ADARB1: variants seen among roughly 807,000 people sequenced by gnomAD.
ADARB1 encodes the protein double-stranded RNA-specific editase 1.
Under a neutral mutation model 52.4 loss-of-function variants are expected in ADARB1, and 10 were observed. That is an observed-to-expected ratio of 0.19 (90% confidence interval 0.12 to 0.32). The LOEUF is 0.32. Ranked by LOEUF, ADARB1 falls within the 10% of genes least tolerant of loss-of-function variation. The probability of loss-of-function intolerance (pLI) is 1.00; values close to 1 mark genes in which losing one functional copy is unlikely to be tolerated. For missense variants in ADARB1, 643 were observed against 922.3 expected, an observed-to-expected ratio of 0.70 and a Z score of 3.92; for synonymous variants, 349 against 371.1, an observed-to-expected ratio of 0.94 and a Z score of 0.68.
intron 2 of ADARB1, among the ~76,000 whole-genome samples, chr21:45,167,648 G>A (rs887297169): frequency 6.6e-6 from 1 of 152,142 alleles, no homozygotes; most frequent in Non-Finnish European, 1.5e-5. Flanking sequence ...CTACTCGGGA[G>A]GCTGAGGCAG....
chr21:45,162,493 G>A (rs942484126), intron 2 of ADARB1, among the ~76,000 whole-genome samples: 1 of 152,152 alleles, frequency 6.6e-6, no homozygotes, highest in African/African-American at 2.4e-5. Context: ...GGCAGAATGA[G>A]CCCAGCAGGC....
intron 1 of ADARB1, among the ~76,000 whole-genome samples, chr21:45,106,585 TC>T (rs2087268919): frequency 6.6e-6 from 1 of 152,210 alleles, no homozygotes; most frequent in Admixed American, 6.5e-5. Flanking sequence ...CTTGGGAACT[TC>T]CGAGCAACTT....
At position 45,124,366 on chromosome 21, in the gene ADARB1, CCTTTTCTTCT is replaced by C. The variant is rs1376316741; in HGVS notation, c.-219-4027_-219-4018del. Among the ~76,000 whole-genome samples, 9 of 152,056 alleles carry C rather than the reference CCTTTTCTTCT, an allele frequency of 5.9e-5. No individual in the cohort carries two copies. The East Asian group carries it at 1.7e-3, about 29-fold the overall frequency. Reference sequence around the variant, plus strand: ...CCTCCCTGCATTCCTTCCTTCCTTCCCTTTTCTTCTCTTTTCTTTTTCTTGAGACAAGGTC... The same window carrying C: ...CCTCCCTGCATTCCTTCCTTCCTTCCCTTTTCTTTTTCTTGAGACAAGGTC... On this transcript the variant is annotated intron_variant, in intron 1 of 10. Transcript: ENST00000348831.
At position 45,221,160 on chromosome 21, in the gene ADARB1, T is replaced by C. The variant is rs1260193695; in HGVS notation, c.1926+146T>C. ...CACTTGGAATGATTCTTCCTTCAGA[T>C]TGTTTTAGCTTAGAAGTGTGGCTAC... On this transcript the variant is annotated intron_variant, in intron 10 of 10. Coordinates refer to ENST00000348831, the MANE Select transcript of ADARB1 (RefSeq NM_001112.4). This position sits in a 1 kb window ranked among gnomAD's most constrained non-coding sequence, Gnocchi z 4.9. 5.5e-6 allele frequency: 6 copies of C among 1,083,068 alleles called. No homozygotes were observed. The highest frequency in any genetic ancestry group is 1.6e-5 in the African/African-American group (1 of 63,106). The allele number at this position is 1,083,068 out of a possible 1,614,324, so 67.1% of individuals were successfully genotyped here.
intron 2 of ADARB1, among the ~76,000 whole-genome samples, chr21:45,163,705 T>G (rs1459556322): frequency 2.0e-5 from 3 of 152,216 alleles, no homozygotes; most frequent in Admixed American, 6.5e-5. Flanking sequence ...TGGGGGCTGC[T>G]GGGGCCTATG....
intron 1 of ADARB1, among the ~76,000 whole-genome samples, chr21:45,079,833 A>G (rs1601230412): frequency 6.6e-6 from 1 of 152,212 alleles, no homozygotes; most frequent in Non-Finnish European, 1.5e-5. Context: ...GGGGCCAAAT[A>G]TGTAAATTTG....
chr21:45,170,226 G>A (rs922648092), intron 2 of ADARB1, among the ~76,000 whole-genome samples: 15 of 152,126 alleles, frequency 9.9e-5, no homozygotes, highest in Admixed American at 6.5e-5. Context: ...CCTTTCATTT[G>A]TAAATACTTC....
intron 1 of ADARB1, among the ~76,000 whole-genome samples, chr21:45,109,996 G>A (rs1422712936): frequency 2.0e-5 from 3 of 152,180 alleles, no homozygotes; most frequent in Non-Finnish European, 2.9e-5. Flanking sequence ...AGTGCGGTGT[G>A]AGCATCTATT....
At chr21:45,218,622 T>C (rs540367594) in intron 9 of ADARB1, among the ~76,000 whole-genome samples, 1 of 152,338 alleles carries the variant, frequency 6.6e-6, no homozygotes, top group African/African-American at 2.4e-5. Context: ...TTCCCTTGAC[T>C]CTCAATTCAG....
In ADARB1 at chr21:45,224,125, T is replaced by G. The variant is rs899910829; in HGVS notation, c.*1928T>G. The G allele has an allele frequency of 5.1e-6, 5 of 985,326 alleles. No individual in the cohort carries two copies. The African/African-American group carries it at 8.7e-5, about 17-fold the overall frequency. The allele number at this position is 985,326 out of a possible 1,614,324, so 61.0% of individuals were successfully genotyped here. On this transcript the variant is annotated 3_prime_UTR_variant, in exon 11 of 11. Transcript: ENST00000348831. Reference sequence around the variant, plus strand: ...AAAAACACCTTGTAAGTCTGTGCATTTTTATTGTCTTGATAAATTGTATTT... The same window carrying G: ...AAAAACACCTTGTAAGTCTGTGCATGTTTATTGTCTTGATAAATTGTATTT...
At chr21:45,082,666 T>C (rs1200699535) in intron 1 of ADARB1, among the ~76,000 whole-genome samples, 1 of 152,200 alleles carries the variant, frequency 6.6e-6, no homozygotes, top group Non-Finnish European at 1.5e-5. Flanking sequence ...TTTATTAAGC[T>C]CTTACCATGT....
chr21:45,225,524 T>C lies in ADARB1; in HGVS notation c.*3327T>C. 7 of 1,329,260 alleles carry C rather than the reference T, an allele frequency of 5.3e-6. No individual in the cohort carries two copies. Among genetic ancestry groups the C allele is most frequent in the Non-Finnish European group, 6.8e-6 (7 of 1,028,680 alleles). 82.3% of individuals were successfully genotyped at this position (1,329,260 alleles called of 1,614,324 possible). ...CGCCACTTTCTTTGTGAAGACAGTG[T>C]CTCTCCTTGTAATCTCACACAGGTA... On this transcript the variant is annotated 3_prime_UTR_variant, in exon 11 of 11. Transcript: ENST00000348831.
Position 45,074,625 on chromosome 21 carries a change from C to A in ADARB1, c.-388C>A. ...GCGGCGGCGGCGGCGGCGGCGGCAG[C>A]GGCGGCCAAGCGGCCAGGTTGGCGG... On this transcript the variant is annotated 5_prime_UTR_variant, in exon 1 of 11. Transcript: ENST00000348831. The A allele has an allele frequency of 6.7e-6, 1 of 149,354 alleles. No individual in the cohort carries two copies. The highest frequency in any genetic ancestry group is 1.5e-5 in the Non-Finnish European group (1 of 68,346). 9.3% of individuals were successfully genotyped at this position (149,354 alleles called of 1,614,324 possible).
At chr21:45,219,989 CTT>C (rs10718648) in intron 9 of ADARB1, among the ~76,000 whole-genome samples, 19,902 of 121,902 alleles carry the variant, frequency 0.16, 3,014 homozygotes, top group African/African-American at 0.43. Context: ...TCTTGGTAGC[CTT>C]TTTTTTTTTT....
rs914993268 is a variant in ADARB1 at position 45,223,778 on chromosome 21, G to A, written c.*1581G>A. On this transcript the variant is annotated 3_prime_UTR_variant, in exon 11 of 11. Coordinates refer to ENST00000348831, the MANE Select transcript of ADARB1 (RefSeq NM_001112.4). ...ACTGAAACACCGTGGCTTCGGCGGGGGGTGTGCCTCCTGATGTCAGGAGCC... is the reference window on the plus strand; with the variant it reads ...ACTGAAACACCGTGGCTTCGGCGGGAGGTGTGCCTCCTGATGTCAGGAGCC... 2 of 985,456 alleles carry A rather than the reference G, an allele frequency of 2.0e-6. No homozygotes were observed. The highest frequency in any genetic ancestry group is 2.4e-6 in the Non-Finnish European group (2 of 829,972). The allele number at this position is 985,456 out of a possible 1,614,324, so 61.0% of individuals were successfully genotyped here. A position where few individuals can be genotyped will look rare whatever the true frequency, so the allele number is the denominator to read the frequency against.
chr21:45,106,363 G>A (rs1665780039), intron 1 of ADARB1, among the ~76,000 whole-genome samples: 7 of 152,132 alleles, frequency 4.6e-5, no homozygotes, highest in Admixed American at 4.6e-4. Flanking sequence ...ACTTAACTTA[G>A]CCTTGCTCTC....
intron 8 of ADARB1, among the ~76,000 whole-genome samples, chr21:45,188,250 G>A (rs570488448): frequency 1.6e-4 from 24 of 152,170 alleles, no homozygotes; most frequent in African/African-American, 5.8e-4. Flanking sequence ...GGGATTACAG[G>A]TGCCTACCAC....
chr21:45,098,661 C>A (rs1366815953), intron 1 of ADARB1, among the ~76,000 whole-genome samples: 1 of 152,162 alleles, frequency 6.6e-6, no homozygotes, highest in East Asian at 1.9e-4. Flanking sequence ...TGCCTCATTC[C>A]CGTGAGGATT....
Position 45,221,997 on chromosome 21 carries a change from T to G in ADARB1, c.1927-21T>G, listed in dbSNP as rs374591931. 1,827 of 1,610,664 alleles carry G rather than the reference T, an allele frequency of 1.1e-3. 2 individuals are homozygous for G. The highest frequency in any genetic ancestry group is 1.5e-3 in the Non-Finnish European group (1,723 of 1,177,620). Reference sequence around the variant, plus strand: ...CTGTTACAGCGTCAACAGTTGCATTTGTTTTTTTATCCCTTCACAGGTTCC... The same window carrying G: ...CTGTTACAGCGTCAACAGTTGCATTGGTTTTTTTATCCCTTCACAGGTTCC... On this transcript the variant is annotated intron_variant, in intron 10 of 10. Coordinates refer to ENST00000348831, the MANE Select transcript of ADARB1 (RefSeq NM_001112.4). The surrounding 1 kb of genome is among the most constrained non-coding windows in gnomAD (Gnocchi z 4.9).
Sources: allele counts gnomAD v4.1 joint callset (sites outside exome capture counted in the v4.1 genomes callset), GRCh38; gene constraint gnomAD v4.1.1; non-coding constraint Gnocchi (gnomAD v3.1); transcripts MANE v1.5; gene names NCBI Gene and HGNC (gene_info 2026-07-23, HGNC 2026-07-21).